Variants in REC114 observed in about 807,000 individuals in gnomAD.
REC114 encodes meiotic recombination protein REC114.
REC114 carries 27 observed loss-of-function variants against 31.3 expected under a neutral mutation model. The ratio of observed to expected loss-of-function variants is 0.86; its 90% confidence interval spans 0.64 to 1.19. The LOEUF is 1.19. Among genes scored for constraint, REC114 ranks in the 50% most tolerant of loss-of-function variants. REC114 has a pLI of 0.00. For synonymous variants in REC114, 134 were observed against 127.7 expected (o/e 1.05, Z -0.33); for missense variants, 344 against 326.9 (o/e 1.05, Z -0.40).
At chr15:73,489,083 C>G (rs945505105) in intron 2 of REC114, among the ~76,000 whole-genome samples, 3 of 151,984 alleles carry the variant, frequency 2.0e-5, no homozygotes, top group African/African-American at 7.3e-5. Context: ...GAGTGCTGCT[C>G]TCTGCTTTTG....
intron 3 of REC114, among the ~76,000 whole-genome samples, chr15:73,545,666 C>CA (rs567389057): frequency 7.9e-5 from 12 of 151,564 alleles, no homozygotes; most frequent in East Asian, 5.8e-4. Context: ...AATTATACTC[C>CA]AAAAAAAACC....
chr15:73,455,602 T>G lies in REC114; in HGVS notation c.159+12258T>G, dbSNP rs1359964699. Among the ~76,000 whole-genome samples the G allele has an allele frequency of 3.9e-5, 6 of 152,320 alleles. No homozygotes were observed. The South Asian group carries it at 6.2e-4, about 16-fold the overall frequency. On this transcript the variant is annotated intron_variant, in intron 1 of 5. Coordinates refer to ENST00000331090, the MANE Select transcript of REC114 (RefSeq NM_001042367.2). ...CAATTCTGAGACAGAAAGAATGTTA[T>G]GTATAAAATATCTAATATATTTTAT...
chr15:73,456,337 A>AC (rs1309171819), intron 1 of REC114, among the ~76,000 whole-genome samples: 4 of 151,018 alleles, frequency 2.6e-5, no homozygotes, highest in Middle Eastern at 3.2e-3. Flanking sequence ...AACTTCTTAG[A>AC]CTTTTTTTTT....
intron 5 of REC114, among the ~76,000 whole-genome samples, chr15:73,557,434 GAAAAA>G (rs999333655): frequency 3.0e-5 from 4 of 133,760 alleles, no homozygotes; most frequent in Non-Finnish European, 3.3e-5. Flanking sequence ...AAAAAAAAAA[GAAAAA>G]AAGGGTTTTC....
At chr15:73,507,795 A>G (rs1893701842) in intron 2 of REC114, among the ~76,000 whole-genome samples, 1 of 152,226 alleles carries the variant, frequency 6.6e-6, no homozygotes, top group Admixed American at 6.5e-5. Context: ...AGCAACTTAT[A>G]AATAAGTAAG....
chr15:73,521,153 G>A (rs1478850137), intron 2 of REC114, among the ~76,000 whole-genome samples: 3 of 151,970 alleles, frequency 2.0e-5, no homozygotes, highest in African/African-American at 4.8e-5. Context: ...CTTAAGAAAC[G>A]GACAAATCCA....
intron 4 of REC114, among the ~76,000 whole-genome samples, chr15:73,552,961 T>A (rs1894412562): frequency 6.6e-6 from 1 of 152,132 alleles, no homozygotes; most frequent in East Asian, 1.9e-4. Flanking sequence ...ATTACAGACA[T>A]CCACCACCAT....
chr15:73,446,787 T>G (rs1240539675), intron 1 of REC114, among the ~76,000 whole-genome samples: 1 of 152,228 alleles, frequency 6.6e-6, no homozygotes. Flanking sequence ...TCTGAAGATG[T>G]AGGCAGGTGC....
chr15:73,549,352 G>C (rs926849980), intron 3 of REC114, among the ~76,000 whole-genome samples: 2 of 152,188 alleles, frequency 1.3e-5, no homozygotes, highest in African/African-American at 4.8e-5. Flanking sequence ...TAGAAGGATG[G>C]TTGCCAGAGG....
At chr15:73,523,328 A>G (rs534871642) in intron 2 of REC114, among the ~76,000 whole-genome samples, 32 of 151,474 alleles carry the variant, frequency 2.1e-4, no homozygotes, top group African/African-American at 5.6e-4. Flanking sequence ...AAAAAAAAAA[A>G]GGGGGAAATG....
intron 3 of REC114, among the ~76,000 whole-genome samples, chr15:73,540,807 C>T (rs1458036357): frequency 1.3e-5 from 2 of 152,166 alleles, no homozygotes; most frequent in Non-Finnish European, 2.9e-5. Flanking sequence ...TCTGATGGAG[C>T]TGTGCAGCCA....
At chr15:73,523,820 G>T (rs552483187) in intron 2 of REC114, among the ~76,000 whole-genome samples, 1 of 152,226 alleles carries the variant, frequency 6.6e-6, no homozygotes, top group South Asian at 2.1e-4. Context: ...TATAGTTTCA[G>T]CTAGTACATT....
Position 73,558,328 on chromosome 15 carries a change from T to A in REC114, c.637-1424T>A, listed in dbSNP as rs183907455. Among the ~76,000 whole-genome samples, 1,076 of 152,100 alleles carry A rather than the reference T, an allele frequency of 7.1e-3. 39 individuals are homozygous for A. The highest frequency in any genetic ancestry group is 0.062 in the Admixed American group (944 of 15,282). ...TACCTCACAGAATTAATGTGAGGAG[T>A]CAATAAGATGACCAAGTCAATGCAC... is the stretch of plus-strand genomic sequence containing the variant. On this transcript the variant is annotated intron_variant, in intron 5 of 5. Coordinates refer to ENST00000331090, the MANE Select transcript of REC114 (RefSeq NM_001042367.2).
At chr15:73,504,565 C>G (rs1157091544) in intron 2 of REC114, among the ~76,000 whole-genome samples, 1 of 152,074 alleles carries the variant, frequency 6.6e-6, no homozygotes, top group Non-Finnish European at 1.5e-5. Flanking sequence ...GTTGCTTTTT[C>G]TCCTCTGGGT....
chr15:73,485,479 G>A (rs115553363), intron 2 of REC114, among the ~76,000 whole-genome samples: 1,864 of 152,300 alleles, frequency 0.012, 15 homozygotes, highest in Middle Eastern at 0.02. Flanking sequence ...CCCCAGTGTT[G>A]TAGGTGGGGC....
chr15:73,526,007 C>T (rs116218521), intron 2 of REC114, among the ~76,000 whole-genome samples: 1,578 of 152,202 alleles, frequency 0.01, 26 homozygotes, highest in African/African-American at 0.036. Context: ...TTTTGAATAG[C>T]TGTTATTGGG....
intron 2 of REC114, among the ~76,000 whole-genome samples, chr15:73,539,637 G>T (rs576288500): frequency 6.6e-6 from 1 of 151,714 alleles, no homozygotes; most frequent in South Asian, 2.1e-4. Flanking sequence ...TAAGAGTTGG[G>T]GATTTCTCAG....
At chr15:73,556,016 G>A (rs114165482) in intron 4 of REC114, among the ~76,000 whole-genome samples, 4,011 of 152,214 alleles carry the variant, frequency 0.026, 217 homozygotes, top group African/African-American at 0.091. Flanking sequence ...TCTAACAACA[G>A]AGGAATGCCC....
At chr15:73,536,766 A>C (rs766851834) in intron 2 of REC114, among the ~76,000 whole-genome samples, 26 of 152,328 alleles carry the variant, frequency 1.7e-4, no homozygotes, top group Non-Finnish European at 3.5e-4. Flanking sequence ...AGTCAAATAA[A>C]AGTAAGATGT....
Sources: gnomAD v4.1 joint callset for allele counts (sites outside exome capture counted in the v4.1 genomes callset) on GRCh38, gnomAD v4.1.1 for gene constraint, MANE v1.5 for transcripts, NCBI Gene and HGNC (gene_info 2026-07-23, HGNC 2026-07-21) for gene names.